The following DDX10 variants were observed in gnomAD, a reference collection of about 807,000 sequenced individuals.
DDX10 encodes the protein DEAD-box helicase 10.
In DDX10, 74 loss-of-function variants were observed where a neutral mutation model predicts 104.3. The observed-to-expected ratio is 0.71, with a 90% CI of 0.59 to 0.86. The LOEUF is 0.86. Among genes scored for constraint, DDX10 ranks in the 40% least tolerant of loss-of-function variants. The probability of loss-of-function intolerance (pLI) is 0.00; values close to 1 mark genes in which losing one functional copy is unlikely to be tolerated. For synonymous variants in DDX10, 351 were observed against 353.4 expected, an observed-to-expected ratio of 0.99 and a Z score of 0.08; for missense variants, 952 against 1,040.0, an observed-to-expected ratio of 0.92 and a Z score of 1.16.
intron 13 of DDX10, among the ~76,000 whole-genome samples, chr11:108,734,741 TAGTTA>T (rs1275953446): frequency 2.0e-5 from 3 of 152,228 alleles, no homozygotes; most frequent in Non-Finnish European, 2.9e-5. Flanking sequence ...TATTTTAAGG[TAGTTA>T]CACAGGTAAT....
chr11:108,782,006 T>C (rs1308284995), intron 13 of DDX10, among the ~76,000 whole-genome samples: 1 of 152,212 alleles, frequency 6.6e-6, no homozygotes, highest in Non-Finnish European at 1.5e-5. Flanking sequence ...GTAAATTTTC[T>C]CCTTGAGGAG....
intron 9 of DDX10, among the ~76,000 whole-genome samples, chr11:108,701,975 C>T (rs536235420): frequency 5.3e-5 from 8 of 152,208 alleles, no homozygotes; most frequent in Admixed American, 1.3e-4. Flanking sequence ...TGAACCACTG[C>T]GCCTGGCCAA....
At chr11:108,913,435 A>G (rs1863706136) in intron 16 of DDX10, among the ~76,000 whole-genome samples, 2 of 152,168 alleles carry the variant, frequency 1.3e-5, no homozygotes, top group Admixed American at 6.5e-5. Context: ...TAGTGAAACA[A>G]TAGGGCAGAG....
intron 13 of DDX10, among the ~76,000 whole-genome samples, chr11:108,791,778 G>GT (rs2134548788): frequency 6.6e-6 from 1 of 152,238 alleles, no homozygotes; most frequent in South Asian, 2.1e-4. Context: ...GTGGATGTAG[G>GT]TTTTCATTTC....
At chr11:108,848,437 A>G (rs1013620862) in intron 15 of DDX10, among the ~76,000 whole-genome samples, 1 of 152,210 alleles carries the variant, frequency 6.6e-6, no homozygotes, top group African/African-American at 2.4e-5. Context: ...GCTTATTTAT[A>G]TGAGAGGATA....
chr11:108,888,064 C>T (rs1434076225), intron 16 of DDX10, among the ~76,000 whole-genome samples: 1 of 151,894 alleles, frequency 6.6e-6, no homozygotes, highest in Non-Finnish European at 1.5e-5. Context: ...TGCTTATGAG[C>T]CGTATTTTTT....
At chr11:108,826,182 G>C (rs1862392944) in intron 13 of DDX10, among the ~76,000 whole-genome samples, 1 of 151,726 alleles carries the variant, frequency 6.6e-6, no homozygotes, top group Non-Finnish European at 1.5e-5. Context: ...TTTTTAAATT[G>C]GTACATTTAT....
chr11:108,912,903 A>G (rs1396642157), intron 16 of DDX10, among the ~76,000 whole-genome samples: 1 of 152,158 alleles, frequency 6.6e-6, no homozygotes, highest in Non-Finnish European at 1.5e-5. Context: ...GAGACTCAAA[A>G]GAATGCAATT....
chr11:108,810,250 G>A (rs1176535725), intron 13 of DDX10, among the ~76,000 whole-genome samples: 2 of 152,154 alleles, frequency 1.3e-5, no homozygotes, highest in Non-Finnish European at 2.9e-5. Flanking sequence ...TATTTGTAAT[G>A]CAGTGGAACT....
intron 13 of DDX10, among the ~76,000 whole-genome samples, chr11:108,816,525 C>CT (rs1213176051): frequency 6.6e-6 from 1 of 151,122 alleles, no homozygotes. Flanking sequence ...TTCAAACCCT[C>CT]TATCTTGTGT....
At chr11:108,898,963 A>G (rs1195761501) in intron 16 of DDX10, among the ~76,000 whole-genome samples, 1 of 152,228 alleles carries the variant, frequency 6.6e-6, no homozygotes, top group Non-Finnish European at 1.5e-5. Context: ...ACACATTTGC[A>G]TGGGAGTCAT....
chr11:108,903,931 T>C (rs1034825322), intron 16 of DDX10, among the ~76,000 whole-genome samples: 2 of 152,212 alleles, frequency 1.3e-5, no homozygotes, highest in Non-Finnish European at 2.9e-5. Context: ...CTCTTGGGTA[T>C]ATACCTAGGA....
At chr11:108,939,545 GATA>G (rs1864078731) in intron 17 of DDX10, among the ~76,000 whole-genome samples, 1 of 152,228 alleles carries the variant, frequency 6.6e-6, no homozygotes, top group African/African-American at 2.4e-5. Context: ...TCTTGGAACA[GATA>G]ATATCTCAAA....
intron 13 of DDX10, among the ~76,000 whole-genome samples, chr11:108,818,272 A>G (rs1862281422): frequency 1.3e-5 from 2 of 152,230 alleles, no homozygotes; most frequent in South Asian, 4.1e-4. Flanking sequence ...TGTGAGGCTC[A>G]TTCCAAAGCA....
intron 11 of DDX10, among the ~76,000 whole-genome samples, chr11:108,716,222 G>A (rs58064663): frequency 0.12 from 18,667 of 151,726 alleles, 1,558 homozygotes; most frequent in East Asian, 0.27. Context: ...CAGCCTCCCG[G>A]GTAGCTGGGA....
intron 13 of DDX10, among the ~76,000 whole-genome samples, chr11:108,834,982 A>G (rs2134590360): frequency 6.8e-6 from 1 of 147,432 alleles, no homozygotes; most frequent in African/African-American, 2.5e-5. Context: ...ATTAAGATGT[A>G]GTAGGAGTCA....
chr11:108,930,972 T>C (rs1863968727), intron 17 of DDX10, among the ~76,000 whole-genome samples: 1 of 152,206 alleles, frequency 6.6e-6, no homozygotes, highest in Admixed American at 6.5e-5. Context: ...TGTTGCTTGC[T>C]GAGGACCTTA....
chr11:108,814,482 T>C (rs930238700), intron 13 of DDX10, among the ~76,000 whole-genome samples: 1 of 152,168 alleles, frequency 6.6e-6, no homozygotes, highest in Non-Finnish European at 1.5e-5. Context: ...CCAGCAGTTT[T>C]GGATGACAAG....
chr11:108,750,512 C>G (rs1361304339), intron 13 of DDX10, among the ~76,000 whole-genome samples: 1 of 152,124 alleles, frequency 6.6e-6, no homozygotes, highest in Non-Finnish European at 1.5e-5. Flanking sequence ...TTCACTCTCA[C>G]CCTCTTCCTC....
Sources: allele counts gnomAD v4.1 joint callset (sites outside exome capture counted in the v4.1 genomes callset), GRCh38; gene constraint gnomAD v4.1.1; transcripts MANE v1.5; gene names NCBI Gene and HGNC (gene_info 2026-07-23, HGNC 2026-07-21).